ASCC3: variants seen among roughly 807,000 people sequenced by gnomAD.
ASCC3 encodes activating signal cointegrator 1 complex subunit 3.
In ASCC3, 158 loss-of-function variants were observed where a neutral mutation model predicts 256.3. That is an observed-to-expected ratio of 0.62 (90% CI 0.54 to 0.70). ASCC3 has a LOEUF of 0.70. Ranked by LOEUF, ASCC3 falls within the 30% of genes least tolerant of loss-of-function variation. The pLI is 0.00. For synonymous variants in ASCC3, 948 were observed against 883.4 expected (o/e 1.07, Z -1.30); for missense variants, 2,259 against 2,626.0 (o/e 0.86, Z 3.05).
intron 13 of ASCC3, among the ~76,000 whole-genome samples, chr6:100,687,076 T>C (rs1777610714): frequency 2.0e-5 from 2 of 100,154 alleles, no homozygotes; most frequent in Admixed American, 2.0e-4. Context: ...ACAGACCTGA[T>C]CTCACACATA....
At chr6:100,556,613 A>G (rs1769588204) in intron 36 of ASCC3, among the ~76,000 whole-genome samples, 1 of 152,202 alleles carries the variant, frequency 6.6e-6, no homozygotes, top group Non-Finnish European at 1.5e-5. Flanking sequence ...GGACCTTGAC[A>G]GCCAGGCTAA....
chr6:100,650,935 C>G (rs1775638767), intron 19 of ASCC3, among the ~76,000 whole-genome samples: 1 of 151,738 alleles, frequency 6.6e-6, no homozygotes, highest in South Asian at 2.1e-4. Context: ...TTATTCATCA[C>G]CAATATTAAA....
chr6:100,799,588 T>C lies in ASCC3; in HGVS notation c.1128-16A>G. ...TGCCTGTTCTCTGTAAACATAAAAA[T>C]AGGCCTAATTTGAAATGTTTATCTT... On this transcript the variant is annotated splice_polypyrimidine_tract_variant and intron_variant, in intron 6 of 41. Transcript: ENST00000369162. 6.8e-6 allele frequency: 11 copies of C among 1,609,420 alleles called. No individual in the cohort carries two copies. The highest frequency in any genetic ancestry group is 9.3e-6 in the Non-Finnish European group (11 of 1,178,212).
chr6:100,694,385 T>C (rs1422087503), intron 13 of ASCC3, among the ~76,000 whole-genome samples: 1 of 151,370 alleles, frequency 6.6e-6, no homozygotes, highest in Non-Finnish European at 1.5e-5. Flanking sequence ...AGATGGGAAG[T>C]GGCTTGAAGC....
At chr6:100,792,771 G>A (rs1041468398) in intron 8 of ASCC3, among the ~76,000 whole-genome samples, 6 of 151,866 alleles carry the variant, frequency 4.0e-5, no homozygotes, top group African/African-American at 1.4e-4. Context: ...ATGAAAAAAT[G>A]AGAAAAACTG....
chr6:100,524,173 G>A (rs751849936), intron 37 of ASCC3, among the ~76,000 whole-genome samples: 4 of 152,006 alleles, frequency 2.6e-5, no homozygotes, highest in African/African-American at 4.8e-5. Flanking sequence ...ATTCTATTAC[G>A]TGTGCTGATT....
At chr6:100,868,761 T>G (rs1022390135) in intron 1 of ASCC3, among the ~76,000 whole-genome samples, 1 of 151,928 alleles carries the variant, frequency 6.6e-6, no homozygotes, top group Non-Finnish European at 1.5e-5. Context: ...GGAAGATAAA[T>G]GAAGAAAAGG....
intron 10 of ASCC3, among the ~76,000 whole-genome samples, chr6:100,726,432 G>C (rs574146539): frequency 6.6e-6 from 1 of 151,792 alleles, no homozygotes; most frequent in South Asian, 2.1e-4. Flanking sequence ...AATTTGCAGA[G>C]AAAAAATGTG....
At chr6:100,616,545 ACT>A (rs1773672728) in intron 30 of ASCC3, among the ~76,000 whole-genome samples, 1 of 151,928 alleles carries the variant, frequency 6.6e-6, no homozygotes, top group Non-Finnish European at 1.5e-5. Context: ...GTTCCAGGGA[ACT>A]CTTATCTCCC....
chr6:100,591,889 T>G (rs962958202), intron 34 of ASCC3, among the ~76,000 whole-genome samples: 5 of 151,966 alleles, frequency 3.3e-5, no homozygotes, highest in Non-Finnish European at 7.4e-5. Context: ...ACAAATAATA[T>G]TTAAAACTAT....
At position 100,642,674 on chromosome 6, in the gene ASCC3, G is replaced by A. The variant is rs201287430; in HGVS notation, c.3808C>T (p.Arg1270Ter). The change falls in exon 24 of 42, where the codon CGA (arginine) becomes TGA (stop). Residue 1270 changes from arginine (R) to a stop codon, truncating the protein, a stop_gained. Transcript: ENST00000369162. LOFTEE classifies it high-confidence loss of function. ...FEPLPSQYYI[R>*]AVSDRWLGAE... is the part of the protein sequence containing the mutation. ...CCCAACCATCTATCAGACACTGCTC[G>A]GATGTAGTATTGGGAAGGCAAAGGC... The A allele has an allele frequency of 1.2e-5, 19 of 1,613,818 alleles. No homozygotes were observed. Among genetic ancestry groups the A allele is most frequent in the South Asian group, 4.4e-5 (4 of 91,066 alleles).
chr6:100,845,958 T>C (rs1772361468), intron 4 of ASCC3, among the ~76,000 whole-genome samples: 2 of 152,294 alleles, frequency 1.3e-5, no homozygotes, highest in African/African-American at 4.8e-5. Context: ...AATATTCCCA[T>C]GGTTCTGCTA....
chr6:100,541,496 G>A (rs186104095), intron 36 of ASCC3, among the ~76,000 whole-genome samples: 118 of 152,294 alleles, frequency 7.7e-4, no homozygotes, highest in Middle Eastern at 3.4e-3. Context: ...CTGTATTGAG[G>A]AGATGAAGAC....
chr6:100,560,316 CA>C (rs1769866420), intron 36 of ASCC3, among the ~76,000 whole-genome samples: 1 of 152,064 alleles, frequency 6.6e-6, no homozygotes, highest in African/African-American at 2.4e-5. Context: ...TTTTCAGTAC[CA>C]GATGTCAGGG....
intron 34 of ASCC3, among the ~76,000 whole-genome samples, chr6:100,590,745 T>A (rs1164504638): frequency 6.6e-6 from 1 of 151,994 alleles, no homozygotes; most frequent in Non-Finnish European, 1.5e-5. Flanking sequence ...CAATTTCAAA[T>A]GGGAGAGGAC....
intron 29 of ASCC3, among the ~76,000 whole-genome samples, chr6:100,626,206 C>T (rs904797342): frequency 3.3e-5 from 5 of 151,840 alleles, no homozygotes; most frequent in Admixed American, 6.6e-5. Flanking sequence ...TAAGATGCCA[C>T]GAGTAGAATA....
At chr6:100,836,625 C>G (rs1562332817) in intron 4 of ASCC3, among the ~76,000 whole-genome samples, 1 of 152,004 alleles carries the variant, frequency 6.6e-6, no homozygotes, top group African/African-American at 2.4e-5. Flanking sequence ...CTTTAATGTG[C>G]TTTTGAATTT....
At chr6:100,560,474 T>A (rs1164715185) in intron 36 of ASCC3, among the ~76,000 whole-genome samples, 1 of 152,102 alleles carries the variant, frequency 6.6e-6, no homozygotes, top group African/African-American at 2.4e-5. Context: ...GATTAGAGAC[T>A]CCACCTGAGC....
intron 3 of ASCC3, among the ~76,000 whole-genome samples, chr6:100,863,214 T>A (rs2114543488): frequency 6.6e-6 from 1 of 152,322 alleles, no homozygotes; most frequent in East Asian, 1.9e-4. Flanking sequence ...GTTTTACCAG[T>A]CATTTGTTTC....
Sources: allele counts gnomAD v4.1 joint callset (sites outside exome capture counted in the v4.1 genomes callset), GRCh38; gene constraint gnomAD v4.1.1; transcripts MANE v1.5; gene names NCBI Gene and HGNC (gene_info 2026-07-23, HGNC 2026-07-21).